Variants in MYCBP2 observed in about 807,000 individuals in gnomAD.
MYCBP2 encodes the protein MYC binding protein 2, also known as E3 ubiquitin-protein ligase MYCBP2.
A neutral mutation model predicts 525.3 loss-of-function variants in MYCBP2; 120 were observed. The ratio of observed to expected loss-of-function variants is 0.23; its 90% CI spans 0.20 to 0.27. The LOEUF (loss-of-function observed/expected upper bound fraction) is 0.27, where lower values mean the gene tolerates loss of function less well. Ranked by LOEUF, MYCBP2 falls within the 10% of genes least tolerant of loss-of-function variation. MYCBP2 has a pLI of 1.00. For synonymous variants in MYCBP2, 1,894 were observed against 1,955.8 expected, an observed-to-expected ratio of 0.97 and a Z score of 0.83; for missense variants, 4,149 against 5,657.1, an observed-to-expected ratio of 0.73 and a Z score of 8.55.
intron 39 of MYCBP2, among the ~76,000 whole-genome samples, chr13:77,169,289 G>A (rs1445330152): frequency 6.6e-6 from 1 of 151,718 alleles, no homozygotes; most frequent in African/African-American, 2.4e-5. Context: ...CCAGCAACTC[G>A]GGAGGCTGAG....
chr13:77,055,462 A>T, intron 80 of MYCBP2, 96 bp downstream of exon 80: 1 of 994,270 alleles, frequency 1.0e-6, no homozygotes, highest in Non-Finnish European at 1.5e-6. Context: ...CTTCAGGCTT[A>T]AGATGGAATA....
chr13:77,297,371 C>A (rs1291625476), intron 1 of MYCBP2, among the ~76,000 whole-genome samples: 1 of 152,152 alleles, frequency 6.6e-6, no homozygotes, highest in Non-Finnish European at 1.5e-5. Flanking sequence ...CAGTTCTTGT[C>A]CCCAAGGAGC....
intron 26 of MYCBP2, among the ~76,000 whole-genome samples, chr13:77,202,930 C>T (rs2062809740): frequency 6.6e-6 from 1 of 152,198 alleles, no homozygotes; most frequent in South Asian, 2.1e-4. Context: ...AAACCCACAG[C>T]CAGTATCATA....
intron 47 of MYCBP2, 22 bp downstream of exon 47, chr13:77,150,712 T>C: frequency 1.3e-6 from 2 of 1,596,956 alleles, no homozygotes; most frequent in East Asian, 2.2e-5. Flanking sequence ...CTAAAATTTT[T>C]CTGATAAGTA....
chr13:77,176,346 G>A (rs1194611200), intron 36 of MYCBP2, 151 bp downstream of exon 36: 10 of 512,852 alleles, frequency 1.9e-5, no homozygotes, highest in East Asian at 3.4e-5. Context: ...CATTAGGTAC[G>A]TAGTAGGTAC....
chr13:77,072,506 A>C (rs1280665449), intron 68 of MYCBP2, among the ~76,000 whole-genome samples: 1 of 152,114 alleles, frequency 6.6e-6, no homozygotes, highest in Non-Finnish European at 1.5e-5. Context: ...AAGTCAGAAA[A>C]AGATGAACAA....
At chr13:77,118,415 T>G (rs777508237) in intron 55 of MYCBP2, 1 of 764,662 alleles carries the variant, frequency 1.3e-6, no homozygotes, top group Non-Finnish European at 2.4e-6. Flanking sequence ...GAGGGAGGTT[T>G]TGCAGCTTGA....
At chr13:77,060,878 G>C (rs1488146773) in intron 76 of MYCBP2, among the ~76,000 whole-genome samples, 1 of 152,088 alleles carries the variant, frequency 6.6e-6, no homozygotes, top group African/African-American at 2.4e-5. Flanking sequence ...TATCTATGGA[G>C]CCCCATTAGT....
Position 77,087,468 on chromosome 13 carries a change from C to A in MYCBP2, c.10875+16G>T. 6.3e-7 allele frequency: 1 copy of A among 1,594,022 alleles called. No individual in the cohort carries two copies. Among genetic ancestry groups the A allele is most frequent in the Admixed American group, 1.7e-5 (1 of 57,652 alleles). The stretch of plus-strand genomic sequence containing the variant: ...TCTATAAAAATATGCACAATCAAAA[C>A]AAAAATTTCATTTACTTGTTCTGAA... On this transcript the variant is annotated intron_variant, in intron 62 of 82. Coordinates refer to ENST00000544440, the MANE Select transcript of MYCBP2 (RefSeq NM_015057.5).
At chr13:77,148,525 C>T (rs968831486) in intron 47 of MYCBP2, among the ~76,000 whole-genome samples, 1 of 151,962 alleles carries the variant, frequency 6.6e-6, no homozygotes, top group African/African-American at 2.4e-5. Flanking sequence ...GAAATTTCTT[C>T]CCTTCCAAAC....
intron 55 of MYCBP2, among the ~76,000 whole-genome samples, chr13:77,102,097 A>AAATG (rs540011921): frequency 3.3e-5 from 5 of 151,940 alleles, no homozygotes; most frequent in African/African-American, 7.2e-5. Context: ...TAAACATGTT[A>AAATG]AATGGTAAGC....
chr13:77,272,495 T>A (rs1247225044), intron 5 of MYCBP2: 1 of 152,238 alleles, frequency 6.6e-6, no homozygotes, highest in Non-Finnish European at 1.5e-5. Context: ...ATGTTTGTGT[T>A]ACTTTATTAC....
intron 2 of MYCBP2, among the ~76,000 whole-genome samples, chr13:77,291,108 G>A (rs538938726): frequency 6.6e-6 from 1 of 152,042 alleles, no homozygotes; most frequent in African/African-American, 2.4e-5. Context: ...GCAAGCCACA[G>A]AACAGGAGAA....
intron 54 of MYCBP2, among the ~76,000 whole-genome samples, chr13:77,124,934 T>C (rs186944372): frequency 5.9e-5 from 9 of 152,312 alleles, no homozygotes; most frequent in Non-Finnish European, 8.8e-5. Context: ...GCTCTTTCCC[T>C]AAGACAAAAT....
At chr13:77,300,786 G>A (rs1305186391) in intron 1 of MYCBP2, among the ~76,000 whole-genome samples, 2 of 152,202 alleles carry the variant, frequency 1.3e-5, no homozygotes, top group Non-Finnish European at 2.9e-5. Flanking sequence ...CAATGCGCCT[G>A]CTTCAAAGAC....
At chr13:77,137,952 A>C (rs1406355701) in intron 52 of MYCBP2, among the ~76,000 whole-genome samples, 1 of 152,200 alleles carries the variant, frequency 6.6e-6, no homozygotes, top group African/African-American at 2.4e-5. Flanking sequence ...TTGGAAAAAA[A>C]AACTGTACAA....
rs1268841335 is a variant in MYCBP2, at chr13:77,070,729, A to G, written c.11824-18T>C. ...GATGTTGCCTTTACATAGAAAAAGAAAAAAAAAAAAAAGAATGAAGTGGTC... is the reference window on the plus strand; with the variant it reads ...GATGTTGCCTTTACATAGAAAAAGAGAAAAAAAAAAAAGAATGAAGTGGTC... On this transcript the variant is annotated intron_variant, in intron 68 of 82. Transcript: ENST00000544440. 8.2e-6 allele frequency: 10 copies of G among 1,216,546 alleles called. No homozygotes were observed. The Admixed American group carries it at 2.2e-4, about 27-fold the overall frequency. 75.4% of individuals were successfully genotyped at this position (1,216,546 alleles called of 1,614,324 possible).
Position 77,224,493 on chromosome 13 carries a change from TAACC to T in MYCBP2, c.2893_2896del (p.Gly965MetfsTer7). The T allele has an allele frequency of 6.2e-7, 1 of 1,610,638 alleles. No homozygotes were observed. Among genetic ancestry groups the T allele is most frequent in the Non-Finnish European group, 8.5e-7 (1 of 1,178,156 alleles). Reference sequence around the variant, plus strand: ...ATGTCCTAGCTGCCCATGCTGCCCATAACCAAATGTATAGACATCTCCATTTTCC... The same window carrying T: ...ATGTCCTAGCTGCCCATGCTGCCCATAAATGTATAGACATCTCCATTTTCC... On this transcript the variant is annotated frameshift_variant, in exon 20 of 83. Transcript: ENST00000544440. LOFTEE classifies it high-confidence loss of function.
Position 77,199,903 on chromosome 13 carries a change from A to C in MYCBP2, c.3843+5353T>G, listed in dbSNP as rs556745790. Among the ~76,000 whole-genome samples the C allele has an allele frequency of 2.4e-3, 370 of 152,334 alleles. 2 individuals carry two copies. The highest frequency in any genetic ancestry group is 8.4e-3 in the African/African-American group (350 of 41,574). ...AAAAACCCATCTGTACATCACCATC[A>C]TCAAAGACCAAAAGTCGATAAAACC... On this transcript the variant is annotated intron_variant, in intron 26 of 82. Transcript: ENST00000544440.
Sources: gnomAD v4.1 joint callset for allele counts (sites outside exome capture counted in the v4.1 genomes callset) on GRCh38, gnomAD v4.1.1 for gene constraint, MANE v1.5 for transcripts, NCBI Gene and HGNC (gene_info 2026-07-23, HGNC 2026-07-21) for gene names.